Variants in PREP observed in about 807,000 individuals in gnomAD.
PREP encodes the protein dJ355L5.1 (prolyl endopeptidase).
Under a neutral mutation model 87.6 loss-of-function variants are expected in PREP, and 29 were observed. The ratio of observed to expected loss-of-function variants is 0.33; its 90% CI spans 0.25 to 0.45. The LOEUF (loss-of-function observed/expected upper bound fraction) is 0.45. Among genes scored for constraint, PREP ranks in the 20% least tolerant of loss-of-function variants. The pLI, the probability that PREP is intolerant of heterozygous loss-of-function variation, is 1.00. For missense variants in PREP, 695 were observed against 886.5 expected, an observed-to-expected ratio of 0.78 and a Z score of 2.74; for synonymous variants, 337 against 328.6, an observed-to-expected ratio of 1.03 and a Z score of -0.28.
rs933551332 is a variant in PREP, at chr6:105,277,513, C to T, written c.*631G>A. 13 of 152,238 alleles carry T rather than the reference C, an allele frequency of 8.5e-5. No individual in the cohort carries two copies. Among genetic ancestry groups the T allele is most frequent in the African/African-American group, 3.2e-4 (13 of 41,250 alleles). 9.4% of individuals were successfully genotyped at this position (152,238 alleles called of 1,614,324 possible). A position where few individuals can be genotyped will look rare whatever the true frequency, so the allele number is the denominator to read the frequency against. On this transcript the variant is annotated 3_prime_UTR_variant, in exon 15 of 15. Transcript: ENST00000652536. The stretch of plus-strand genomic sequence containing the variant: ...CAGTGTTTGTTTATGACAGTGAACC[C>T]CCTCTGACAGCTTCATCACCTCTAA...
chr6:105,344,795 T>C (rs1294062669), intron 7 of PREP, among the ~76,000 whole-genome samples: 1 of 152,212 alleles, frequency 6.6e-6, no homozygotes, highest in Non-Finnish European at 1.5e-5. Context: ...AACCTGCACG[T>C]TGTGCACATG....
intron 8 of PREP, among the ~76,000 whole-genome samples, chr6:105,330,450 C>T (rs1273143790): frequency 6.6e-6 from 1 of 152,108 alleles, no homozygotes; most frequent in Non-Finnish European, 1.5e-5. Context: ...TTCTTAACTC[C>T]CAGGGCTGCA....
At position 105,274,067 on chromosome 6, in the gene PREP, T is replaced by C. The variant is rs1038889146; in HGVS notation, c.*4077A>G. On this transcript the variant is annotated 3_prime_UTR_variant, in exon 15 of 15. Transcript: ENST00000652536. Reference sequence around the variant, plus strand: ...TTCTTGTTAATTCCTGAAATTATACTTTGTTTATTATCTTGTTAATAGACT... The same window carrying C: ...TTCTTGTTAATTCCTGAAATTATACCTTGTTTATTATCTTGTTAATAGACT... 1.3e-5 allele frequency among the ~76,000 whole-genome samples: 2 copies of C among 152,250 alleles called. No homozygotes were observed. The highest frequency in any genetic ancestry group is 2.9e-5 in the Non-Finnish European group (2 of 68,044).
chr6:105,354,685 A>C (rs1445388590), intron 6 of PREP, among the ~76,000 whole-genome samples: 2 of 151,992 alleles, frequency 1.3e-5, no homozygotes, highest in African/African-American at 2.4e-5. Context: ...CTGCCTTTGG[A>C]CTCAACTAGA....
rs564847809 is a variant in PREP at position 105,310,682 on chromosome 6, C to T, written c.1317+12983G>A. Among the ~76,000 whole-genome samples the T allele has an allele frequency of 5.3e-5, 8 of 152,324 alleles. No individual in the cohort carries two copies. In the East Asian group the frequency reaches 9.6e-4, roughly 18 times the overall value. Reference sequence around the variant, plus strand: ...TCAACTGACCCCCCTAGATGTGGGGCTGCCCCAGGCATAGTCCTGAGCCTT... The same window carrying T: ...TCAACTGACCCCCCTAGATGTGGGGTTGCCCCAGGCATAGTCCTGAGCCTT... On this transcript the variant is annotated intron_variant, in intron 10 of 14. Transcript: ENST00000652536.
intron 7 of PREP, among the ~76,000 whole-genome samples, chr6:105,341,854 C>G (rs1771660567): frequency 1.3e-5 from 2 of 152,162 alleles, no homozygotes; most frequent in Admixed American, 1.3e-4. Context: ...AGTTGCATCC[C>G]TGAATAGACT....
chr6:105,388,482 T>C (rs1562227407), intron 2 of PREP, among the ~76,000 whole-genome samples: 1 of 97,502 alleles, frequency 1.0e-5, no homozygotes, highest in Non-Finnish European at 2.0e-5. Context: ...AGAAAGGAGA[T>C]TGGGGGGTGG....
intron 2 of PREP, among the ~76,000 whole-genome samples, chr6:105,396,976 G>A (rs1384229692): frequency 6.6e-6 from 1 of 152,148 alleles, no homozygotes; most frequent in Admixed American, 6.5e-5. Flanking sequence ...TTGAGGCCAG[G>A]AGTTCGAGAC....
chr6:105,289,460 A>C (rs1320671583), intron 10 of PREP, among the ~76,000 whole-genome samples: 2 of 152,214 alleles, frequency 1.3e-5, no homozygotes, highest in Non-Finnish European at 2.9e-5. Context: ...ATTAGCTTAG[A>C]AAGTTGATGA....
intron 7 of PREP, among the ~76,000 whole-genome samples, chr6:105,334,418 T>C (rs1437737778): frequency 6.6e-6 from 1 of 152,186 alleles, no homozygotes; most frequent in East Asian, 1.9e-4. Context: ...TTTGTTTTTG[T>C]TGAAAGATGA....
chr6:105,297,920 G>A (rs1187894955), intron 10 of PREP, among the ~76,000 whole-genome samples: 2 of 152,194 alleles, frequency 1.3e-5, no homozygotes, highest in Non-Finnish European at 1.5e-5. Flanking sequence ...GATCTCATAA[G>A]CGGGACTATC....
rs780701371 is a variant in PREP at position 105,377,412 on chromosome 6, A to G, written c.228T>C (p.Tyr76=). The G allele has an allele frequency of 9.3e-6, 15 of 1,613,002 alleles. No homozygotes were observed. The highest frequency in any genetic ancestry group is 1.3e-5 in the Non-Finnish European group (15 of 1,179,696). ...GTTTTCCTTTCTTGAAGTGGCAACT[A>G]TACTTGGGATAATCATATAGTTCAG... is the stretch of plus-strand genomic sequence containing the variant. ...RMTELYDYPK[Y]SCHFKKGKRY... The change falls in exon 3 of 15, where the codon TAT becomes TAC. Residue 76 remains tyrosine, a synonymous_variant. Transcript: ENST00000652536.
At position 105,278,504 on chromosome 6, in the gene PREP, A is replaced by G; in HGVS notation, c.1839-66T>C. The G allele has an allele frequency of 6.7e-7, 1 of 1,489,456 alleles. No individual in the cohort carries two copies. The highest frequency in any genetic ancestry group is 1.3e-5 in the South Asian group (1 of 79,182). 92.3% of individuals were successfully genotyped at this position (1,489,456 alleles called of 1,614,324 possible). The stretch of plus-strand genomic sequence containing the variant: ...GTAGAGTTTTATGGCACAGGGACCT[A>G]GGTAGTTAATTAGCAGTGAGGACTG... On this transcript the variant is annotated intron_variant, in intron 14 of 14. Coordinates refer to ENST00000652536, the MANE Select transcript of PREP (RefSeq NM_002726.5). The surrounding 1 kb of genome is among the most constrained non-coding windows in gnomAD (Gnocchi z 4.2).
intron 6 of PREP, 84 bp from the exon 7 acceptor site, chr6:105,353,161 A>C: frequency 8.6e-7 from 1 of 1,165,162 alleles, no homozygotes; most frequent in Non-Finnish European, 1.2e-6. Context: ...TTAAAAAATT[A>C]AGGTTAATTT....
At chr6:105,285,798 CAG>C (rs1336786107) in intron 11 of PREP, among the ~76,000 whole-genome samples, 2 of 152,128 alleles carry the variant, frequency 1.3e-5, no homozygotes, top group African/African-American at 4.8e-5. Flanking sequence ...TTTTTTGAGA[CAG>C]AGTCTCACTC....
At chr6:105,350,806 C>T (rs1349938830) in intron 7 of PREP, among the ~76,000 whole-genome samples, 1 of 152,188 alleles carries the variant, frequency 6.6e-6, no homozygotes, top group African/African-American at 2.4e-5. Flanking sequence ...ATGTTATCCA[C>T]AAACATAATG....
intron 2 of PREP, among the ~76,000 whole-genome samples, chr6:105,387,522 C>G (rs757255668): frequency 4.6e-5 from 7 of 151,374 alleles, no homozygotes; most frequent in Non-Finnish European, 8.8e-5. Context: ...AGTGTCCAGT[C>G]TTTTGGCTTC....
chr6:105,333,209 G>A (rs1211635949), intron 8 of PREP, 105 bp downstream of exon 8: 2 of 1,119,970 alleles, frequency 1.8e-6, no homozygotes, highest in African/African-American at 3.1e-5. Context: ...ACAGGTTGAA[G>A]GTTTTTTACC....
intron 7 of PREP, among the ~76,000 whole-genome samples, chr6:105,351,367 C>T (rs1176304954): frequency 6.6e-6 from 1 of 152,092 alleles, no homozygotes; most frequent in Non-Finnish European, 1.5e-5. Context: ...GCTACACTAT[C>T]TAGAATTTGG....
Sources: gnomAD v4.1 joint callset for allele counts (sites outside exome capture counted in the v4.1 genomes callset) on GRCh38, gnomAD v4.1.1 for gene constraint, Gnocchi (gnomAD v3.1) non-coding constraint, MANE v1.5 for transcripts, NCBI Gene and HGNC (gene_info 2026-07-23, HGNC 2026-07-21) for gene names.